Variants in KCNIP4 observed in about 807,000 individuals in gnomAD.
KCNIP4 encodes Kv channel-interacting protein 4.
Under a neutral mutation model 34.0 loss-of-function variants are expected in KCNIP4, and 12 were observed. The observed-to-expected ratio is 0.35, with a 90% CI of 0.23 to 0.57. KCNIP4 has a LOEUF of 0.57. Ranked by LOEUF, KCNIP4 falls within the 20% of genes least tolerant of loss-of-function variation. The pLI is 0.83. For synonymous variants in KCNIP4, 124 were observed against 102.2 expected, an observed-to-expected ratio of 1.21 and a Z score of -1.29; for missense variants, 238 against 311.7, an observed-to-expected ratio of 0.76 and a Z score of 1.78.
chr4:21,303,926 C>T, intron 1 of KCNIP4: 4 of 1,612,518 alleles, frequency 2.5e-6, no homozygotes, highest in Non-Finnish European at 3.4e-6. Context: ...GGTCATGGTC[C>T]GACCACAGCC....
At chr4:21,879,713 T>A (rs891948903) in intron 1 of KCNIP4, among the ~76,000 whole-genome samples, 6 of 152,204 alleles carry the variant, frequency 3.9e-5, no homozygotes, top group Non-Finnish European at 7.3e-5. Flanking sequence ...ATATATTATT[T>A]TTATTTTTAT....
chr4:21,300,658 A>G (rs1398005421), intron 1 of KCNIP4, among the ~76,000 whole-genome samples: 1 of 152,108 alleles, frequency 6.6e-6, no homozygotes, highest in Non-Finnish European at 1.5e-5. Context: ...GAGCTACAGG[A>G]AAGGATGTTT....
chr4:21,153,654 T>C (rs1752931242), intron 1 of KCNIP4, among the ~76,000 whole-genome samples: 1 of 151,956 alleles, frequency 6.6e-6, no homozygotes. Context: ...CATAAATCCA[T>C]CTATATTTTG....
rs146767905 is a variant in KCNIP4, at chr4:21,348,213, T to A, written c.62-465504A>T. Among the ~76,000 whole-genome samples, 161 of 152,288 alleles carry A rather than the reference T, an allele frequency of 1.1e-3. 1 individual carries two copies. The highest frequency in any genetic ancestry group is 3.8e-3 in the African/African-American group (158 of 41,570). ...GACCATATGTGCATGCATTTCCAGA[T>A]GCTGTGGTCATAACTGAGAAGATAT... On this transcript the variant is annotated intron_variant, in intron 1 of 8. Transcript: ENST00000382152.
chr4:20,921,376 GT>G (rs1458358809), intron 1 of KCNIP4, among the ~76,000 whole-genome samples: 3 of 152,152 alleles, frequency 2.0e-5, no homozygotes, highest in Non-Finnish European at 4.4e-5. Flanking sequence ...GTTAATATGT[GT>G]TTAAAATTTC....
chr4:21,229,919 C>T (rs1758673610), intron 1 of KCNIP4, among the ~76,000 whole-genome samples: 1 of 152,128 alleles, frequency 6.6e-6, no homozygotes, highest in Admixed American at 6.6e-5. Flanking sequence ...ACCAGAATTT[C>T]AAATAAAGCA....
At chr4:21,432,486 T>G (rs940754650) in intron 1 of KCNIP4, among the ~76,000 whole-genome samples, 1 of 152,064 alleles carries the variant, frequency 6.6e-6, no homozygotes, top group Non-Finnish European at 1.5e-5. Context: ...AAAATTATGA[T>G]GTTCAACAGT....
At chr4:21,646,024 C>T (rs762061127) in intron 1 of KCNIP4, among the ~76,000 whole-genome samples, 1 of 152,168 alleles carries the variant, frequency 6.6e-6, no homozygotes, top group East Asian at 1.9e-4. Flanking sequence ...TCATTTCCTC[C>T]ATGAATCCTT....
At chr4:21,759,770 T>G (rs1717917090) in intron 1 of KCNIP4, among the ~76,000 whole-genome samples, 1 of 152,040 alleles carries the variant, frequency 6.6e-6, no homozygotes, top group Non-Finnish European at 1.5e-5. Context: ...CGTTCCAAAA[T>G]TCTCATGGCC....
intron 1 of KCNIP4, among the ~76,000 whole-genome samples, chr4:21,008,097 C>T (rs1470947852): frequency 1.3e-5 from 2 of 152,316 alleles, no homozygotes; most frequent in African/African-American, 2.4e-5. Flanking sequence ...CAATACTGCT[C>T]AGAACTGAGA....
chr4:20,906,390 T>C (rs1456982004), intron 1 of KCNIP4, among the ~76,000 whole-genome samples: 5 of 152,202 alleles, frequency 3.3e-5, no homozygotes, highest in African/African-American at 1.2e-4. Flanking sequence ...GATTCATCTA[T>C]GTCTCACCCT....
At chr4:20,790,971 C>T (rs1361587039) in intron 3 of KCNIP4, among the ~76,000 whole-genome samples, 1 of 152,070 alleles carries the variant, frequency 6.6e-6, no homozygotes, top group Non-Finnish European at 1.5e-5. Context: ...TAAGGAGGGA[C>T]AAGAACTTGC....
chr4:20,749,142 A>G (rs1753086721), intron 5 of KCNIP4, among the ~76,000 whole-genome samples: 1 of 137,266 alleles, frequency 7.3e-6, no homozygotes, highest in African/African-American at 2.8e-5. Flanking sequence ...TTTATGACAG[A>G]GCGAGACTCT....
chr4:21,395,055 C>T (rs1387229688), intron 1 of KCNIP4, among the ~76,000 whole-genome samples: 1 of 152,056 alleles, frequency 6.6e-6, no homozygotes, highest in African/African-American at 2.4e-5. Flanking sequence ...GAAAACTTAA[C>T]ACGTGTGGGG....
At chr4:21,779,395 T>A (rs758428573) in intron 1 of KCNIP4, among the ~76,000 whole-genome samples, 3 of 152,128 alleles carry the variant, frequency 2.0e-5, no homozygotes, top group Non-Finnish European at 4.4e-5. Context: ...TAATTAATAA[T>A]AATATATATT....
At chr4:21,386,921 T>TACTA (rs1358121099) in intron 1 of KCNIP4, among the ~76,000 whole-genome samples, 1 of 152,166 alleles carries the variant, frequency 6.6e-6, no homozygotes, top group African/African-American at 2.4e-5. Flanking sequence ...GCTCTACACA[T>TACTA]ACTATCCTTC....
chr4:20,795,480 T>C (rs781446265), intron 3 of KCNIP4, among the ~76,000 whole-genome samples: 1 of 152,186 alleles, frequency 6.6e-6, no homozygotes, highest in Non-Finnish European at 1.5e-5. Context: ...TTTGCTGATT[T>C]CTTATCATTA....
chr4:20,731,825 AATGTTGATT>A (rs1319734236), intron 8 of KCNIP4, 172 bp downstream of exon 8: 1 of 985,192 alleles, frequency 1.0e-6, no homozygotes, highest in Non-Finnish European at 1.2e-6. Context: ...GGGCACTCTA[AATGTTGATT>A]ATGTAATTGG....
intron 1 of KCNIP4, among the ~76,000 whole-genome samples, chr4:21,829,229 T>C (rs1430568885): frequency 2.0e-5 from 3 of 151,974 alleles, no homozygotes; most frequent in Middle Eastern, 3.2e-3. Context: ...CTATTTATGA[T>C]AGAGTTACAT....
Sources: allele counts gnomAD v4.1 joint callset (sites outside exome capture counted in the v4.1 genomes callset), GRCh38; gene constraint gnomAD v4.1.1; transcripts MANE v1.5; gene names NCBI Gene and HGNC (gene_info 2026-07-23, HGNC 2026-07-21).